Variants in RP1 observed in about 807,000 individuals in gnomAD.
RP1 encodes the protein RP1 axonemal microtubule associated, also known as oxygen-regulated protein 1.
In RP1, 16 loss-of-function variants were observed where a neutral mutation model predicts 14.8. That is an observed-to-expected ratio of 1.08 (90% CI 0.73 to 1.65). The LOEUF (loss-of-function observed/expected upper bound fraction) is 1.65, where lower values mean the gene tolerates loss of function less well. Among genes scored for constraint, RP1 ranks in the 40% most tolerant of loss-of-function variants. The pLI is 0.00. For synonymous variants in RP1, 876 were observed against 883.6 expected, an observed-to-expected ratio of 0.99 and a Z score of 0.15; for missense variants, 2,631 against 2,535.0, an observed-to-expected ratio of 1.04 and a Z score of -0.81.
At position 54,688,263 on chromosome 8, in the gene RP1, GC is replaced by G. The variant is rs1459371472; in HGVS notation, c.1717+8332del. On this transcript the variant is annotated intron_variant, in intron 12 of 22. Transcript: ENST00000636932. ...AAACTTTTCTCCCATTCTGTAGGTG[GC>G]CTGTTCACTCTGATGATAGTTACTT... Among the ~76,000 whole-genome samples, 8 of 152,152 alleles carry G rather than the reference GC, an allele frequency of 5.3e-5. No individual in the cohort carries two copies. In the East Asian group the frequency reaches 1.5e-3, roughly 29 times the overall value.
At chr8:54,715,122 T>C (rs544791422) in intron 15 of RP1, among the ~76,000 whole-genome samples, 1 of 152,348 alleles carries the variant, frequency 6.6e-6, no homozygotes, top group Admixed American at 6.5e-5. Flanking sequence ...GTATGAAAAG[T>C]TAAAATATCA....
At chr8:54,757,821 T>C (rs1809547067) in intron 21 of RP1, among the ~76,000 whole-genome samples, 1 of 152,196 alleles carries the variant, frequency 6.6e-6, no homozygotes, top group Non-Finnish European at 1.5e-5. Flanking sequence ...TGTAAAGCCG[T>C]GCTGAGAATG....
chr8:54,678,876 T>C (rs942562858), intron 9 of RP1, among the ~76,000 whole-genome samples: 1 of 152,256 alleles, frequency 6.6e-6, no homozygotes. Context: ...AAATAATAAA[T>C]ATACACAGTG....
chr8:54,685,253 G>A (rs1056671688), intron 12 of RP1, among the ~76,000 whole-genome samples: 3 of 152,028 alleles, frequency 2.0e-5, no homozygotes, highest in African/African-American at 7.2e-5. Flanking sequence ...GTGATGTTAG[G>A]TTGTTGATTT....
chr8:54,728,344 C>A (rs543097322), intron 17 of RP1, among the ~76,000 whole-genome samples: 1 of 152,150 alleles, frequency 6.6e-6, no homozygotes, highest in African/African-American at 2.4e-5. Context: ...GGTTTTGCAC[C>A]TTAGCTGTCA....
At chr8:54,714,344 T>C (rs1808354591) in intron 15 of RP1, among the ~76,000 whole-genome samples, 1 of 152,228 alleles carries the variant, frequency 6.6e-6, no homozygotes, top group Admixed American at 6.5e-5. Flanking sequence ...TTAAAAATTA[T>C]GGCTCAGGAG....
intron 1 of RP1, among the ~76,000 whole-genome samples, chr8:54,577,629 G>A (rs911735328): frequency 2.9e-4 from 44 of 152,250 alleles, no homozygotes; most frequent in Middle Eastern, 3.4e-3. Context: ...TAGCTAACAT[G>A]ATTTCTTACT....
At chr8:54,828,211 T>C (rs1256268335) in intron 24 of RP1, among the ~76,000 whole-genome samples, 1 of 152,198 alleles carries the variant, frequency 6.6e-6, no homozygotes, top group Non-Finnish European at 1.5e-5. Context: ...ATAGTAAATA[T>C]ATAAACCAGT....
At chr8:54,705,671 C>A (rs1808133463) in intron 14 of RP1, among the ~76,000 whole-genome samples, 1 of 152,296 alleles carries the variant, frequency 6.6e-6, no homozygotes, top group African/African-American at 2.4e-5. Context: ...GAAGGTCAGA[C>A]TTCTCTGGGT....
exon 17 of RP1, chr8:54,726,411 C>T (rs1563358853): frequency 6.5e-7 from 1 of 1,533,806 alleles, no homozygotes; most frequent in Non-Finnish European, 8.7e-7. Flanking sequence ...ATCCATGAGT[C>T]AAAAAAACAG....
intron 12 of RP1, among the ~76,000 whole-genome samples, chr8:54,688,682 T>G (rs920148862): frequency 3.0e-4 from 46 of 152,210 alleles, no homozygotes; most frequent in Admixed American, 2.2e-3. Flanking sequence ...ATATCTGTTT[T>G]GGTACCAGTA....
intron 1 of RP1, among the ~76,000 whole-genome samples, chr8:54,571,069 C>T (rs1804509155): frequency 6.6e-6 from 1 of 152,206 alleles, no homozygotes; most frequent in Non-Finnish European, 1.5e-5. Flanking sequence ...CATTCTCCCC[C>T]TTCTGCCTGT....
intron 1 of RP1, among the ~76,000 whole-genome samples, chr8:54,619,149 A>AT (rs960113299): frequency 2.6e-4 from 40 of 152,238 alleles, no homozygotes; most frequent in African/African-American, 8.9e-4. Context: ...TACAGCTGCT[A>AT]TTTTTTTGGC....
chr8:54,719,578 T>C (rs1396020592), intron 15 of RP1, among the ~76,000 whole-genome samples: 1 of 152,154 alleles, frequency 6.6e-6, no homozygotes, highest in Non-Finnish European at 1.5e-5. Context: ...AATGGAGAAG[T>C]GTTATAATAA....
At chr8:54,696,796 A>G (rs1240074027) in intron 12 of RP1, 1 of 727,350 alleles carries the variant, frequency 1.4e-6, no homozygotes, top group Non-Finnish European at 2.5e-6. Context: ...TGCCACGTAT[A>G]GTGGAACGTT....
chr8:54,853,445 G>C (rs1427073418), intron 26 of RP1, among the ~76,000 whole-genome samples: 1 of 152,274 alleles, frequency 6.6e-6, no homozygotes, highest in Non-Finnish European at 1.5e-5. Flanking sequence ...TCTAGGACCA[G>C]AGCCACCAGA....
chr8:54,724,111 G>A (rs1443750042), intron 16 of RP1, among the ~76,000 whole-genome samples: 2 of 152,074 alleles, frequency 1.3e-5, no homozygotes, highest in African/African-American at 4.8e-5. Context: ...CTTCATTCTA[G>A]TCTGCTAAGA....
upstream of RP1, among the ~76,000 whole-genome samples, chr8:54,612,079 T>C (rs1805611690): frequency 6.6e-6 from 1 of 152,176 alleles, no homozygotes. Flanking sequence ...GCGGTTGCTT[T>C]TGAATATCTC....
intron 16 of RP1, among the ~76,000 whole-genome samples, chr8:54,724,759 T>C (rs1370235909): frequency 1.3e-5 from 2 of 152,150 alleles, no homozygotes; most frequent in Non-Finnish European, 2.9e-5. Context: ...CTGGATGACA[T>C]TTCCAGAAAA....
Sources: gnomAD v4.1 joint callset for allele counts (sites outside exome capture counted in the v4.1 genomes callset) on GRCh38, gnomAD v4.1.1 for gene constraint, MANE v1.5 for transcripts, NCBI Gene and HGNC (gene_info 2026-07-23, HGNC 2026-07-21) for gene names.